The following SKP2 variants were observed in gnomAD, a reference collection of about 807,000 sequenced individuals.
The protein encoded by SKP2 is S-phase kinase-associated protein 2.
Under a neutral mutation model 51.8 loss-of-function variants are expected in SKP2, and 16 were observed. The observed-to-expected ratio is 0.31, with a 90% CI of 0.21 to 0.47. The LOEUF is 0.47. Among genes scored for constraint, SKP2 ranks in the 20% least tolerant of loss-of-function variants. The pLI is 1.00. For missense variants in SKP2, 377 were observed against 505.3 expected (o/e 0.75, Z 2.43); for synonymous variants, 176 against 198.6 (o/e 0.89, Z 0.96).
rs574772857 is a variant in SKP2, at chr5:36,183,788, A to G, written c.*1757A>G. On this transcript the variant is annotated 3_prime_UTR_variant, in exon 10 of 10. Transcript: ENST00000274255. ...TTGCACAGGAAATGATGATGCTTCA[A>G]TTTCTTAATAGTTAAAAAGTGCTAA... The G allele has an allele frequency of 6.7e-7, 1 of 1,494,238 alleles. No individual in the cohort carries two copies. The highest frequency in any genetic ancestry group is 2.4e-5 in the Admixed American group (1 of 40,890). 92.6% of individuals were successfully genotyped at this position (1,494,238 alleles called of 1,614,324 possible). A position where few individuals can be genotyped will look rare whatever the true frequency, so the allele number is the denominator to read the frequency against.
intron 7 of SKP2, among the ~76,000 whole-genome samples, chr5:36,175,273 G>T (rs906111439): frequency 6.6e-6 from 1 of 152,106 alleles, no homozygotes; most frequent in African/African-American, 2.4e-5. Context: ...ATTATCACTT[G>T]CTGAGATGGG....
At chr5:36,153,759 T>C (rs559326941) in intron 2 of SKP2, among the ~76,000 whole-genome samples, 1 of 152,274 alleles carries the variant, frequency 6.6e-6, no homozygotes, top group Non-Finnish European at 1.5e-5. Context: ...CTAGAATGGA[T>C]TGACTGAAAT....
At chr5:36,155,921 A>G in intron 2 of SKP2, among the ~76,000 whole-genome samples, 1 of 152,206 alleles carries the variant, frequency 6.6e-6, no homozygotes, top group Non-Finnish European at 1.5e-5. Flanking sequence ...GAGAAAATAC[A>G]ATAAAAAATA....
chr5:36,169,336 T>G (rs1167742646), intron 5 of SKP2, among the ~76,000 whole-genome samples: 2 of 151,884 alleles, frequency 1.3e-5, no homozygotes, highest in Non-Finnish European at 2.9e-5. Context: ...TCCCAGCTAC[T>G]CAGGAGGCTG....
chr5:36,156,196 G>A (rs1744940026), intron 2 of SKP2, among the ~76,000 whole-genome samples: 1 of 152,184 alleles, frequency 6.6e-6, no homozygotes, highest in South Asian at 2.1e-4. Context: ...GGGGAAGGGT[G>A]AAATCAGTGA....
At chr5:36,191,171 CA>C (rs1746015783) in intron 6 of SKP2, among the ~76,000 whole-genome samples, 1 of 152,088 alleles carries the variant, frequency 6.6e-6, no homozygotes, top group Non-Finnish European at 1.5e-5. Flanking sequence ...GATCTAGCAA[CA>C]AAAAGCTCTA....
In SKP2 at chr5:36,152,174, G is replaced by A. The variant is rs910078763; in HGVS notation, c.-89G>A. 1.4e-6 allele frequency: 2 copies of A among 1,439,488 alleles called. No homozygotes were observed. Among genetic ancestry groups the A allele is most frequent in the Non-Finnish European group, 9.8e-7 (1 of 1,023,124 alleles). 89.2% of individuals were successfully genotyped at this position (1,439,488 alleles called of 1,614,324 possible). On this transcript the variant is annotated 5_prime_UTR_variant, in exon 1 of 10. Coordinates refer to ENST00000274255, the MANE Select transcript of SKP2 (RefSeq NM_005983.4). ...TGCTGGGGGCCCGAGCAGCACGCTC[G>A]GAGCCGCCGCGCGCCAAAGCGGGAA...
At position 36,171,721 on chromosome 5, in the gene SKP2, C is replaced by A; in HGVS notation, c.889C>A (p.Leu297Ile). 1 of 1,613,870 alleles carries A rather than the reference C, an allele frequency of 6.2e-7. No individual in the cohort carries two copies. The highest frequency in any genetic ancestry group is 8.5e-7 in the Non-Finnish European group (1 of 1,179,814). The change falls in exon 7 of 10, where the codon CTC becomes ATC. Residue 297 changes from leucine (L) to isoleucine (I), a missense_variant. Around this residue, in one of 2 missense-constraint regions of SKP2, gnomAD observed 262 missense variants for 389.8 expected, o/e 0.67. Transcript: ENST00000274255. The stretch of plus-strand genomic sequence containing the variant: ...GAATCTTAGCGGCTACAGAAAGAAT[C>A]TCCAGAAATCAGGTTAGAGCTTCCA... ...QLNLSGYRKN[L>I]QKSDLSTLVR...
chr5:36,191,189 G>C (rs553687843), intron 6 of SKP2, among the ~76,000 whole-genome samples: 8 of 152,044 alleles, frequency 5.3e-5, no homozygotes, highest in Non-Finnish European at 1.2e-4. Context: ...TCTAGACCAG[G>C]GGTGATTTTC....
downstream of SKP2, among the ~76,000 whole-genome samples, chr5:36,187,811 A>G (rs549778191): frequency 6.6e-6 from 1 of 150,686 alleles, no homozygotes; most frequent in African/African-American, 2.4e-5. Flanking sequence ...TGTCTTGTTG[A>G]TCTGTCTAAT....
At chr5:36,160,557 A>G (rs893298490) in intron 2 of SKP2, among the ~76,000 whole-genome samples, 6 of 152,216 alleles carry the variant, frequency 3.9e-5, no homozygotes, top group African/African-American at 9.6e-5. Flanking sequence ...CTCAGTGTAT[A>G]TAGTACATGG....
downstream of SKP2, among the ~76,000 whole-genome samples, chr5:36,189,265 G>A (rs1045715616): frequency 2.0e-5 from 3 of 152,182 alleles, no homozygotes; most frequent in South Asian, 2.1e-4. Context: ...CATTGCTGGC[G>A]AGGAGCTTTG....
chr5:36,169,364 G>C (rs1745395591), intron 5 of SKP2, among the ~76,000 whole-genome samples: 1 of 152,016 alleles, frequency 6.6e-6, no homozygotes, highest in African/African-American at 2.4e-5. Flanking sequence ...AGAATCGCTT[G>C]AACCCGGGAG....
In SKP2 at chr5:36,168,316, T is replaced by G. The variant is rs1287845468; in HGVS notation, c.540T>G (p.Pro180=). ...CCTTTTTTCTCTCCGTGTTTAGCCC[T>G]TTTCGTGTACAGCACATGGACCTAT... ...MDQPLAEHFS[P]FRVQHMDLSN... The change falls in exon 5 of 10, where the codon CCT becomes CCG. Residue 180 remains proline (P), a synonymous_variant. Transcript: ENST00000274255. 1 of 1,613,338 alleles carries G rather than the reference T, an allele frequency of 6.2e-7. No homozygotes were observed. The highest frequency in any genetic ancestry group is 8.5e-7 in the Non-Finnish European group (1 of 1,179,706).
chr5:36,188,229 C>T (rs912877226), downstream of SKP2, among the ~76,000 whole-genome samples: 5 of 152,116 alleles, frequency 3.3e-5, no homozygotes, highest in African/African-American at 1.2e-4. Flanking sequence ...GTCAATTTAC[C>T]TGTAAGGTTA....
intron 2 of SKP2, among the ~76,000 whole-genome samples, chr5:36,161,628 C>A (rs940405918): frequency 6.6e-6 from 1 of 152,180 alleles, no homozygotes; most frequent in African/African-American, 2.4e-5. Context: ...GCATTGTGGA[C>A]TTTAGCCTAA....
chr5:36,190,701 AAAAAAG>A (rs1746004254), intron 6 of SKP2, among the ~76,000 whole-genome samples: 1 of 150,992 alleles, frequency 6.6e-6, no homozygotes, highest in South Asian at 2.1e-4. Flanking sequence ...AAAAAAAAAA[AAAAAAG>A]AATATGATGG....
At chr5:36,156,109 T>G (rs150264984) in intron 2 of SKP2, among the ~76,000 whole-genome samples, 1 of 152,308 alleles carries the variant, frequency 6.6e-6, no homozygotes, top group East Asian at 1.9e-4. Context: ...ACTTTTATGT[T>G]TATTACCTAA....
intron 2 of SKP2, among the ~76,000 whole-genome samples, chr5:36,162,519 T>C (rs1344045968): frequency 1.3e-5 from 2 of 152,208 alleles, no homozygotes; most frequent in East Asian, 3.8e-4. Flanking sequence ...TCATATAATG[T>C]ACTTATTTTT....
Sources: allele counts gnomAD v4.1 joint callset (sites outside exome capture counted in the v4.1 genomes callset), GRCh38; gene constraint gnomAD v4.1.1; regional missense constraint gnomAD v4.1.1; transcripts MANE v1.5; gene names NCBI Gene and HGNC (gene_info 2026-07-23, HGNC 2026-07-21).